The following GNA14 variants were observed in gnomAD, a reference collection of about 807,000 sequenced individuals.
GNA14 encodes G protein subunit alpha 14, also known as guanine nucleotide-binding protein subunit alpha-14.
A neutral mutation model predicts 42.0 loss-of-function variants in GNA14; 50 were observed. The observed-to-expected ratio is 1.19, with a 90% CI of 0.95 to 1.51. The LOEUF (loss-of-function observed/expected upper bound fraction) is 1.51. Ranked by LOEUF, GNA14 falls within the 40% of genes most tolerant of loss-of-function variation. GNA14 has a pLI of 0.00. For missense variants in GNA14, 473 were observed against 446.2 expected (o/e 1.06, Z -0.54); for synonymous variants, 173 against 163.1 (o/e 1.06, Z -0.46).
At chr9:77,544,671 C>CAAAAAAAA (rs397959672) in intron 1 of GNA14, among the ~76,000 whole-genome samples, 2 of 58,558 alleles carry the variant, frequency 3.4e-5, no homozygotes, top group Non-Finnish European at 3.9e-5. Context: ...CACTGCATCT[C>CAAAAAAAA]AAAAAAAAAA....
At chr9:77,581,650 T>C (rs1388632214) in intron 1 of GNA14, among the ~76,000 whole-genome samples, 1 of 152,192 alleles carries the variant, frequency 6.6e-6, no homozygotes, top group Non-Finnish European at 1.5e-5. Flanking sequence ...AATCGGATCC[T>C]TTTAGGAAGT....
intron 1 of GNA14, among the ~76,000 whole-genome samples, chr9:77,592,149 G>A (rs185365273): frequency 7.2e-5 from 11 of 152,098 alleles, no homozygotes; most frequent in Admixed American, 2.6e-4. Flanking sequence ...TGATCCGCCC[G>A]CCTCAGCCTC....
intron 1 of GNA14, among the ~76,000 whole-genome samples, chr9:77,574,890 A>C (rs1056412932): frequency 2.6e-5 from 4 of 152,182 alleles, no homozygotes; most frequent in African/African-American, 9.7e-5. Context: ...ACATGGCTCT[A>C]AAATAAGTGC....
chr9:77,560,545 A>C (rs1479242960), intron 1 of GNA14, among the ~76,000 whole-genome samples: 1 of 151,996 alleles, frequency 6.6e-6, no homozygotes, highest in South Asian at 2.1e-4. Context: ...TGAACTCCTG[A>C]GCTCAGGCAG....
chr9:77,487,128 G>A (rs1836675510), intron 2 of GNA14, among the ~76,000 whole-genome samples: 1 of 152,082 alleles, frequency 6.6e-6, no homozygotes, highest in African/African-American at 2.4e-5. Context: ...GCTACTAAGT[G>A]ACTAGTAGGC....
At chr9:77,445,468 G>C (rs1835799446) in intron 2 of GNA14, among the ~76,000 whole-genome samples, 1 of 146,102 alleles carries the variant, frequency 6.8e-6, no homozygotes, top group Non-Finnish European at 1.5e-5. Context: ...ATCCCAACAT[G>C]TTAGGAGGTC....
chr9:77,439,733 T>C (rs1835699760), intron 2 of GNA14, among the ~76,000 whole-genome samples: 1 of 152,212 alleles, frequency 6.6e-6, no homozygotes, highest in African/African-American at 2.4e-5. Context: ...TCTGGGTACT[T>C]TGATGGGCCT....
At chr9:77,516,034 A>G (rs1448977708) in intron 2 of GNA14, among the ~76,000 whole-genome samples, 1 of 148,012 alleles carries the variant, frequency 6.8e-6, no homozygotes, top group Non-Finnish European at 1.5e-5. Context: ...CTATGGGGAG[A>G]GATGGGAACT....
chr9:77,515,427 G>A (rs181278995), intron 2 of GNA14, among the ~76,000 whole-genome samples: 53 of 152,300 alleles, frequency 3.5e-4, no homozygotes, highest in African/African-American at 1.3e-3. Flanking sequence ...ATGAGCATGC[G>A]GCAGAGCCGG....
chr9:77,614,348 C>A (rs1467296880), intron 1 of GNA14, among the ~76,000 whole-genome samples: 3 of 152,158 alleles, frequency 2.0e-5, no homozygotes, highest in Non-Finnish European at 4.4e-5. Flanking sequence ...CTCATTGTCT[C>A]TGTCACACAG....
rs142873382 is a variant in GNA14, at chr9:77,529,186, G to A, written c.192C>T (p.Ser64=). 11 of 1,613,690 alleles carry A rather than the reference G, an allele frequency of 6.8e-6. No individual in the cohort carries two copies. Among genetic ancestry groups the A allele is most frequent in the Non-Finnish European group, 8.5e-6 (10 of 1,179,636 alleles). Residue 64 remains serine (S), a synonymous_variant, in exon 2 of 7, where the codon AGC becomes AGT. Coordinates refer to ENST00000341700, the MANE Select transcript of GNA14 (RefSeq NM_004297.4). ...QMRIIHGSGY[S]DEDRKGFTKL... ...TCGTGAACCCCTTTCTGTCTTCGTC[G>A]CTGTAACCAGACCCATGGATAATTC...
intron 2 of GNA14, among the ~76,000 whole-genome samples, chr9:77,497,841 G>A (rs1836896906): frequency 6.6e-6 from 1 of 151,202 alleles, no homozygotes; most frequent in African/African-American, 2.5e-5. Context: ...ACAGCTACCA[G>A]GTGTAATTCT....
intron 1 of GNA14, among the ~76,000 whole-genome samples, chr9:77,569,146 C>G (rs565489762): frequency 1.3e-5 from 2 of 150,822 alleles, no homozygotes; most frequent in Non-Finnish European, 2.9e-5. Context: ...TCATGAATCT[C>G]TTTTGCCTTT....
chr9:77,591,148 C>T (rs779106488), intron 1 of GNA14, among the ~76,000 whole-genome samples: 22 of 152,178 alleles, frequency 1.4e-4, no homozygotes, highest in Non-Finnish European at 2.1e-4. Context: ...GACGATCACA[C>T]GCTGTTTCCG....
At chr9:77,538,156 A>C (rs144193189) in intron 1 of GNA14, among the ~76,000 whole-genome samples, 1 of 151,650 alleles carries the variant, frequency 6.6e-6, no homozygotes, top group East Asian at 1.9e-4. Flanking sequence ...CTGCAGCCAC[A>C]AATTCCTGGG....
intron 1 of GNA14, among the ~76,000 whole-genome samples, chr9:77,604,600 T>C (rs1373001733): frequency 6.6e-6 from 1 of 152,164 alleles, no homozygotes; most frequent in Non-Finnish European, 1.5e-5. Context: ...CACCTGGTAA[T>C]CCTGACCATC....
At chr9:77,481,919 CT>C (rs1187292228) in intron 2 of GNA14, among the ~76,000 whole-genome samples, 5 of 151,362 alleles carry the variant, frequency 3.3e-5, no homozygotes, top group Middle Eastern at 3.4e-3. Flanking sequence ...TTCCTCCATC[CT>C]TTTTTTTTGA....
intron 2 of GNA14, among the ~76,000 whole-genome samples, chr9:77,495,729 T>G (rs183836651): frequency 1.4e-4 from 21 of 152,320 alleles, no homozygotes; most frequent in Admixed American, 2.6e-4. Context: ...TCAGGAACCC[T>G]GAGAAATTCA....
intron 1 of GNA14, among the ~76,000 whole-genome samples, chr9:77,573,478 T>TAATA (rs932763950): frequency 5.3e-5 from 8 of 151,656 alleles, no homozygotes; most frequent in South Asian, 2.1e-4. Context: ...AATTTAAAAA[T>TAATA]AATAAATAAA....
Sources: allele counts gnomAD v4.1 joint callset (sites outside exome capture counted in the v4.1 genomes callset), GRCh38; gene constraint gnomAD v4.1.1; transcripts MANE v1.5; gene names NCBI Gene and HGNC (gene_info 2026-07-23, HGNC 2026-07-21).